Variants in FASN observed in about 807,000 individuals in gnomAD.
FASN encodes 3-hydroxyacyl-[acyl-carrier-protein] dehydratase.
A neutral mutation model predicts 250.0 loss-of-function variants in FASN; 50 were observed. That is an observed-to-expected ratio of 0.20 (90% CI 0.16 to 0.25). The LOEUF is 0.25. Ranked by LOEUF, FASN falls within the 10% of genes least tolerant of loss-of-function variation. The probability of loss-of-function intolerance (pLI) is 1.00; values close to 1 mark genes in which losing one functional copy is unlikely to be tolerated. For synonymous variants in FASN, 1,909 were observed against 1,584.0 expected, an observed-to-expected ratio of 1.21 and a Z score of -4.87; for missense variants, 3,031 against 3,498.5, an observed-to-expected ratio of 0.87 and a Z score of 3.37.
At chr17:82,097,396 A>G (rs1433231988) in intron 1 of FASN, 1 of 152,234 alleles carries the variant, frequency 6.6e-6, no homozygotes, top group Non-Finnish European at 1.5e-5. Context: ...TGGTCTGGCC[A>G]CTTGCACGAG....
At chr17:82,082,831 CA>C in intron 33 of FASN, 82 bp downstream of exon 33, 1 of 1,573,114 alleles carries the variant, frequency 6.4e-7, no homozygotes, top group Non-Finnish European at 8.7e-7. Flanking sequence ...TGACAGCCCA[CA>C]ATGGTGGGCT....
intron 2 of FASN, among the ~76,000 whole-genome samples, chr17:82,095,687 C>T (rs967441177): frequency 6.6e-6 from 1 of 152,200 alleles, no homozygotes; most frequent in Admixed American, 6.5e-5. Context: ...AAGCCCCAAG[C>T]CCCAAGCCCC....
In FASN at chr17:82,088,813, T is replaced by C; in HGVS notation, c.2368A>G (p.Arg790Gly). Residue 790 changes from arginine to glycine, a missense_variant, in exon 15 of 43, where the codon AGG (arginine) becomes GGG (glycine). Physicochemically the swap from Arg to Gly is moderately radical, Grantham distance 125. Coordinates refer to ENST00000306749, the MANE Select transcript of FASN (RefSeq NM_004104.5). ...GCCAGGAAGAACTCCAGGTTGTCCCTGTGATCCTTCTTCATCAGGGGGATG... is the reference window on the plus strand; with the variant it reads ...GCCAGGAAGAACTCCAGGTTGTCCCCGTGATCCTTCTTCATCAGGGGGATG... Reference protein sequence around the residue: ...TIIPLMKKDHRDNLEFFLAGI... With the variant: ...TIIPLMKKDHGDNLEFFLAGI... The C allele has an allele frequency of 1.9e-6, 3 of 1,612,550 alleles. No individual in the cohort carries two copies. The highest frequency in any genetic ancestry group is 2.5e-6 in the Non-Finnish European group (3 of 1,179,824).
At chr17:82,095,277 C>T in intron 3 of FASN, 43 bp downstream of exon 3, 1 of 1,605,622 alleles carries the variant, frequency 6.2e-7, no homozygotes, top group East Asian at 2.2e-5. Context: ...TCCACGTGAG[C>T]AGCAGGAGCC....
In FASN at chr17:82,085,142, G is replaced by A. The variant is rs4547403; in HGVS notation, c.4302C>T (p.Asp1434=). The A allele has an allele frequency of 3.2e-5, 51 of 1,612,582 alleles. 1 individual carries two copies. The highest frequency in any genetic ancestry group is 2.7e-4 in the African/African-American group (20 of 75,046). Residue 1434 remains aspartate, a synonymous_variant, in exon 25 of 43, where the codon GAC becomes GAT. Coordinates refer to ENST00000306749, the MANE Select transcript of FASN (RefSeq NM_004104.5). ...GCCACACAGGCCGGGAAGAGTCTTC[G>A]TCAGCCAGGATGCCCTACAGCGGGT... ...WVESLKGILA[D]EDSSRPVWLK...
chr17:82,080,424 G>A lies in FASN; in HGVS notation c.6993C>T (p.His2331=). ...AGCCGTCGAACAGGAAGAGGCTGTT[G>A]TGGGTGGGGGCTGGGCTCTGCTGGG... ...LQAQQSPAPT[H]NSLFLFDGSP... is the part of the protein sequence containing the mutation. Residue 2331 remains histidine, a synonymous_variant, in exon 40 of 43, where the codon CAC becomes CAT. Transcript: ENST00000306749. The A allele has an allele frequency of 6.2e-7, 1 of 1,601,140 alleles. No homozygotes were observed. Among genetic ancestry groups the A allele is most frequent in the Non-Finnish European group, 8.5e-7 (1 of 1,174,644 alleles).
chr17:82,086,676 A>C, intron 21 of FASN, 118 bp from the exon 22 acceptor site: 1 of 803,722 alleles, frequency 1.2e-6, no homozygotes, highest in Non-Finnish European at 2.1e-6. Flanking sequence ...CCACAGGATG[A>C]GAAATAGCTG....
chr17:82,089,535 G>A lies in FASN; in HGVS notation c.1965+97C>T, dbSNP rs1489843998. The A allele has an allele frequency of 3.2e-6, 5 of 1,549,598 alleles. No individual in the cohort carries two copies. In the East Asian group the frequency reaches 9.5e-5, roughly 30 times the overall value. ...CCTGCCCCATGCCCCAGGCCCGTCA[G>A]AGCTTGGTGGGGCGTAGACCGTGGC... On this transcript the variant is annotated intron_variant, in intron 12 of 42. Coordinates refer to ENST00000306749, the MANE Select transcript of FASN (RefSeq NM_004104.5).
Position 82,084,372 on chromosome 17 carries a change from G to A in FASN, c.4781C>T (p.Ser1594Phe), listed in dbSNP as rs765575877. The change falls in exon 28 of 43, where the codon TCC becomes TTC. Residue 1594 changes from serine to phenylalanine, a missense_variant. Ser to Phe is a radical substitution (Grantham distance 155). Coordinates refer to ENST00000306749, the MANE Select transcript of FASN (RefSeq NM_004104.5). The part of the protein sequence containing the change: ...SPDAIPGKWT[S>F]QDSLLGMEFS... ...CTCCATACCTAGCAGGCTGTCCTGG[G>A]AGGTCCACTTCCCTGGGGGAGACGG... 6.2e-7 allele frequency: 1 copy of A among 1,606,996 alleles called. No homozygotes were observed. Among genetic ancestry groups the A allele is most frequent in the African/African-American group, 1.3e-5 (1 of 74,942 alleles).
rs376111170 is a variant in FASN, at chr17:82,087,334, T to C, written c.3214A>G (p.Lys1072Glu). The C allele has an allele frequency of 4.5e-5, 72 of 1,611,378 alleles. No homozygotes were observed. Among genetic ancestry groups the C allele is most frequent in the Non-Finnish European group, 5.5e-5 (65 of 1,179,530 alleles). ...HRQKLYTLQD[K>E]AQVADVVVSR... Reference sequence around the variant, plus strand: ...GCTGGGGCGGGGCTACCTTGGGCCTTGTCCTGCAGTGTGTACAGCTTCTGC... The same window carrying C: ...GCTGGGGCGGGGCTACCTTGGGCCTCGTCCTGCAGTGTGTACAGCTTCTGC... The change falls in exon 20 of 43, where the codon AAG becomes GAG. Residue 1072 changes from lysine (K) to glutamate (E), a missense_variant. Transcript: ENST00000306749.
chr17:82,086,316 G>A lies in FASN; in HGVS notation c.3670C>T (p.Leu1224Phe), dbSNP rs2034097272. Reference sequence around the variant, plus strand: ...ACGGCAGTGTCCAGGCAGGCCTTGAGTGCCGGGGAGTCCAGGAGGCCGCTG... The same window carrying A: ...ACGGCAGTGTCCAGGCAGGCCTTGAATGCCGGGGAGTCCAGGAGGCCGCTG... ...LLSGLLDSPA[L>F]KACLDTAVEN... The change falls in exon 22 of 43, where the codon CTC (leucine) becomes TTC (phenylalanine). Residue 1224 changes from leucine (L) to phenylalanine (F), a missense_variant. Physicochemically the swap from Leu to Phe is conservative, Grantham distance 22 (BLOSUM62 0). Coordinates refer to ENST00000306749, the MANE Select transcript of FASN (RefSeq NM_004104.5). 3.1e-6 allele frequency: 5 copies of A among 1,602,314 alleles called. No homozygotes were observed. The highest frequency in any genetic ancestry group is 2.7e-5 in the African/African-American group (2 of 74,976).
rs747997183 is a variant in FASN at position 82,093,340 on chromosome 17, C to T, written c.534G>A (p.Gly178=). The T allele has an allele frequency of 1.0e-5, 16 of 1,602,734 alleles. No individual in the cohort carries two copies. In the East Asian group the frequency reaches 2.0e-4, roughly 20 times the overall value. ...CCCCCACGATGGCGGCAGGGCACTG[C>T]CCGCTGTGGATGGCCTGGTAGGCGT... ...LQNAYQAIHS[G]QCPAAIVGGI... The change falls in exon 5 of 43, where the codon GGG becomes GGA. Residue 178 remains glycine, a synonymous_variant. Transcript: ENST00000306749.
At chr17:82,094,011 C>T (rs566016371) in intron 3 of FASN, 21 of 596,646 alleles carry the variant, frequency 3.5e-5, no homozygotes, top group African/African-American at 3.3e-4. Flanking sequence ...AACCAGGTCA[C>T]AGAGGGAACG....
At chr17:82,085,204 T>G (rs2034070331) in intron 24 of FASN, 34 bp downstream of exon 24, 3 of 1,605,994 alleles carry the variant, frequency 1.9e-6, no homozygotes, top group Non-Finnish European at 2.5e-6. Context: ...AGTTGGGAGG[T>G]GGGGTGGGGC....
intron 19 of FASN, 60 bp from the exon 20 acceptor site, chr17:82,087,564 A>G: frequency 6.2e-7 from 1 of 1,604,496 alleles, no homozygotes; most frequent in Non-Finnish European, 8.5e-7. Flanking sequence ...CACCTCCCAG[A>G]GCCCACCGGG....
Position 82,083,647 on chromosome 17 carries a change from G to T in FASN, c.5219-8C>A, listed in dbSNP as rs763156226. ...TCAAGACCAGGTCAACGCCTAGGGG[G>T]CCAGAGGGGCCAGACAATCACACCC... On this transcript the variant is annotated splice_polypyrimidine_tract_variant and splice_region_variant and intron_variant, in intron 30 of 42. Transcript: ENST00000306749. 2 of 1,604,224 alleles carry T rather than the reference G, an allele frequency of 1.2e-6. No individual in the cohort carries two copies. The highest frequency in any genetic ancestry group is 3.4e-5 in the Admixed American group (2 of 58,624).
At chr17:82,091,836 C>T in intron 8 of FASN, 152 bp from the exon 9 acceptor site, 1 of 756,288 alleles carries the variant, frequency 1.3e-6, no homozygotes, top group Non-Finnish European at 2.1e-6. Context: ...TCTGCCATGG[C>T]ACAGGGGTCC....
rs767896302 is a variant in FASN at position 82,087,765 on chromosome 17, G to C, written c.2963C>G (p.Ala988Gly). Residue 988 changes from alanine (A) to glycine (G), a missense_variant, in exon 19 of 43, where the codon GCT becomes GGT. By Grantham distance (60) the Ala-to-Gly change is moderately conservative. Transcript: ENST00000306749. ...NPTEPLFLAQ[A>G]EVYKELRLRG... ...CAGACGCAGCTCCTTGTAAACTTCA[G>C]CCTGGGCCAGGAAGAGGGGCTCCGT... 9 of 1,612,606 alleles carry C rather than the reference G, an allele frequency of 5.6e-6. No individual in the cohort carries two copies. The Admixed American group carries it at 1.5e-4, about 27-fold the overall frequency.
chr17:82,085,565 G>A lies in FASN; in HGVS notation c.4039C>T (p.Leu1347=), dbSNP rs1468772138. The A allele has an allele frequency of 6.3e-7, 1 of 1,596,330 alleles. No homozygotes were observed. Among genetic ancestry groups the A allele is most frequent in the Non-Finnish European group, 8.5e-7 (1 of 1,172,230 alleles). Residue 1347 remains leucine (L), a synonymous_variant, in exon 23 of 43, where the codon CTG becomes TTG. Transcript: ENST00000306749. ...TCCCCGAGGGGGTGCCCCCGGAGCA[G>A]TGTGTGCAGGAGCAGAAAGCCCCCT... ...REGGFLLLHT[L]LRGHPLGDIV... is the part of the protein sequence containing the mutation.
Sources: gnomAD v4.1 joint callset for allele counts (sites outside exome capture counted in the v4.1 genomes callset) on GRCh38, gnomAD v4.1.1 for gene constraint, MANE v1.5 for transcripts, NCBI Gene and HGNC (gene_info 2026-07-23, HGNC 2026-07-21) for gene names.